Variants in DOCK2 observed in about 807,000 individuals in gnomAD.
The protein encoded by DOCK2 is dedicator of cytokinesis protein 2.
A neutral mutation model predicts 248.9 loss-of-function variants in DOCK2; 87 were observed. The ratio of observed to expected loss-of-function variants is 0.35; its 90% CI spans 0.29 to 0.42. The LOEUF is 0.42. Among genes scored for constraint, DOCK2 ranks in the 10% least tolerant of loss-of-function variants. The probability of loss-of-function intolerance (pLI) is 1.00; values close to 1 mark genes in which losing one functional copy is unlikely to be tolerated. For synonymous variants in DOCK2, 805 were observed against 821.6 expected (o/e 0.98, Z 0.35); for missense variants, 1,747 against 2,300.2 (o/e 0.76, Z 4.92).
intron 25 of DOCK2, among the ~76,000 whole-genome samples, chr5:169,784,710 A>G (rs948158833): frequency 6.6e-6 from 1 of 152,216 alleles, no homozygotes; most frequent in African/African-American, 2.4e-5. Flanking sequence ...TTCTCTTAGT[A>G]TTTAATATAA....
intron 22 of DOCK2, among the ~76,000 whole-genome samples, chr5:169,727,822 T>C (rs1284388473): frequency 6.6e-6 from 1 of 152,206 alleles, no homozygotes; most frequent in Non-Finnish European, 1.5e-5. Flanking sequence ...TTTGGAAACT[T>C]CTGCTTTTGG....
At chr5:170,042,174 T>C (rs769370759) in intron 38 of DOCK2, 42 bp downstream of exon 38, 7 of 1,560,122 alleles carry the variant, frequency 4.5e-6, no homozygotes, top group Non-Finnish European at 5.2e-6. Flanking sequence ...CCCTGGCCAC[T>C]GGAAGGATGG....
At chr5:169,960,677 T>G (rs1211229768) in intron 27 of DOCK2, among the ~76,000 whole-genome samples, 1 of 152,228 alleles carries the variant, frequency 6.6e-6, no homozygotes, top group Non-Finnish European at 1.5e-5. Flanking sequence ...GGTCTCTATA[T>G]TGTTGTCCCC....
chr5:169,998,600 T>A (rs556465401), intron 30 of DOCK2, among the ~76,000 whole-genome samples: 1 of 152,232 alleles, frequency 6.6e-6, no homozygotes. Context: ...ATATTTTTTC[T>A]GCTCTAAGGA....
chr5:169,975,616 G>T (rs1777689789), intron 27 of DOCK2, among the ~76,000 whole-genome samples: 1 of 151,970 alleles, frequency 6.6e-6, no homozygotes, highest in Non-Finnish European at 1.5e-5. Flanking sequence ...CACTATTCAG[G>T]TTTCTACTCA....
At chr5:169,883,507 G>A in intron 27 of DOCK2, 3 of 1,551,650 alleles carry the variant, frequency 1.9e-6, no homozygotes, top group Non-Finnish European at 2.6e-6. Flanking sequence ...GACCTGGATG[G>A]CACTTTGGGA....
Position 169,714,085 on chromosome 5 carries a change from C to T in DOCK2, c.1717C>T (p.His573Tyr), listed in dbSNP as rs769013637. Residue 573 changes from histidine (H) to tyrosine (Y), a missense_variant, in exon 18 of 52, where the codon CAC becomes TAC. His to Tyr is a moderately conservative substitution (Grantham distance 83, BLOSUM62 2). Coordinates refer to ENST00000520908, the MANE Select transcript of DOCK2 (RefSeq NM_004946.3). ...ATACCTGACCCTTCCTTCTTATCGA[C>T]ACCATGTGGAAAACAAGGGGGCCAC... is the stretch of plus-strand genomic sequence containing the variant. ...SAYLTLPSYR[H>Y]HVENKGATLS... The T allele has an allele frequency of 1.9e-6, 3 of 1,613,560 alleles. No homozygotes were observed. The South Asian group carries it at 3.3e-5, about 18-fold the overall frequency.
intron 30 of DOCK2, chr5:169,997,918 C>A: frequency 2.2e-6 from 1 of 456,336 alleles, no homozygotes; most frequent in Non-Finnish European, 4.4e-6. Context: ...TGGACTGTAT[C>A]CGTGCCTCAA....
intron 2 of DOCK2, among the ~76,000 whole-genome samples, chr5:169,665,643 C>T (rs538965063): frequency 2.4e-4 from 36 of 152,104 alleles, no homozygotes; most frequent in African/African-American, 8.4e-4. Flanking sequence ...ACTTTTTGTA[C>T]CTTTGCCAGA....
chr5:170,073,320 G>A (rs1244585404), intron 46 of DOCK2, among the ~76,000 whole-genome samples: 1 of 151,924 alleles, frequency 6.6e-6, no homozygotes, highest in African/African-American at 2.4e-5. Context: ...TGATCCATCG[G>A]TCTATGTCCA....
intron 30 of DOCK2, among the ~76,000 whole-genome samples, chr5:170,003,153 C>T (rs1754898830): frequency 6.6e-6 from 1 of 152,210 alleles, no homozygotes; most frequent in South Asian, 2.1e-4. Flanking sequence ...ACCACCATTC[C>T]ATTTACTGAG....
chr5:169,718,614 A>G (rs781679860), intron 21 of DOCK2, 43 bp from the exon 22 acceptor site: 1 of 1,593,622 alleles, frequency 6.3e-7, no homozygotes, highest in Non-Finnish European at 8.6e-7. Flanking sequence ...ACTAATTACC[A>G]TGATGAAAGA....
chr5:169,690,222 A>T (rs191523976), intron 9 of DOCK2, among the ~76,000 whole-genome samples: 4 of 151,996 alleles, frequency 2.6e-5, no homozygotes. Flanking sequence ...TGATCTTAAG[A>T]CACCTAAATA....
At chr5:169,685,970 G>T (rs1227853834) in intron 8 of DOCK2, among the ~76,000 whole-genome samples, 1 of 152,232 alleles carries the variant, frequency 6.6e-6, no homozygotes, top group Non-Finnish European at 1.5e-5. Flanking sequence ...TTTCACCAGG[G>T]TTTCAGCACC....
intron 49 of DOCK2, 159 bp downstream of exon 49, chr5:170,079,305 G>A (rs1757944867): frequency 1.0e-6 from 1 of 993,556 alleles, no homozygotes; most frequent in Non-Finnish European, 1.4e-6. Flanking sequence ...GAGAGGTGAA[G>A]TGCTTACTCG....
intron 10 of DOCK2, 49 bp downstream of exon 10, chr5:169,695,987 A>G (rs753854377): frequency 6.5e-7 from 1 of 1,535,264 alleles, no homozygotes; most frequent in South Asian, 1.3e-5. Context: ...CGCACATTTT[A>G]TGTGGCTGAA....
intron 27 of DOCK2, among the ~76,000 whole-genome samples, chr5:169,939,537 A>ATGTGCTGTATGTAATTGTG (rs1776144895): frequency 6.6e-6 from 1 of 152,156 alleles, no homozygotes; most frequent in African/African-American, 2.4e-5. Context: ...ATTGTCAATT[A>ATGTGCTGTATGTAATTGTG]TGTGCTGTAT....
chr5:169,980,751 G>T (rs1428573180), intron 27 of DOCK2: 2 of 152,198 alleles, frequency 1.3e-5, no homozygotes. Context: ...AGTGACGGCG[G>T]TGTTCTGTCT....
intron 26 of DOCK2, among the ~76,000 whole-genome samples, chr5:169,824,654 T>G (rs1345307709): frequency 6.6e-6 from 1 of 152,152 alleles, no homozygotes. Flanking sequence ...ATGTTAGACC[T>G]AAAACCATAA....
Sources: allele counts gnomAD v4.1 joint callset (sites outside exome capture counted in the v4.1 genomes callset), GRCh38; gene constraint gnomAD v4.1.1; transcripts MANE v1.5; gene names NCBI Gene and HGNC (gene_info 2026-07-23, HGNC 2026-07-21).